The following KCNJ4 variants were observed in gnomAD, a reference collection of about 807,000 sequenced individuals.
The protein encoded by KCNJ4 is inward rectifier potassium channel 4.
A neutral mutation model predicts 25.6 loss-of-function variants in KCNJ4; 3 were observed. The observed-to-expected ratio is 0.12, with a 90% CI of 0.05 to 0.30. The LOEUF (loss-of-function observed/expected upper bound fraction) is 0.30, where lower values mean the gene tolerates loss of function less well. Among genes scored for constraint, KCNJ4 ranks in the 10% least tolerant of loss-of-function variants. KCNJ4 has a pLI of 1.00. For synonymous variants in KCNJ4, 257 were observed against 283.9 expected (o/e 0.91, Z 0.95); for missense variants, 286 against 666.8 (o/e 0.43, Z 6.29).
At chr22:38,453,772 A>T (rs1293043729) in intron 1 of KCNJ4, among the ~76,000 whole-genome samples, 1 of 152,008 alleles carries the variant, frequency 6.6e-6, no homozygotes, top group Non-Finnish European at 1.5e-5. Context: ...GACATATGAG[A>T]CCCACTGCCC....
chr22:38,439,875 G>C (rs1337695049), intron 1 of KCNJ4, among the ~76,000 whole-genome samples: 1 of 150,180 alleles, frequency 6.7e-6, no homozygotes, highest in Non-Finnish European at 1.5e-5. Flanking sequence ...CAGATCACGA[G>C]GTCAGGAGAT....
chr22:38,444,739 C>T lies in KCNJ4; in HGVS notation c.-40+10241G>A, dbSNP rs75456621. 5.1e-3 allele frequency among the ~76,000 whole-genome samples: 772 copies of T among 152,342 alleles called. 4 individuals carry two copies. The highest frequency in any genetic ancestry group is 7.4e-3 in the Non-Finnish European group (504 of 68,032). On this transcript the variant is annotated intron_variant, in intron 1 of 1. Coordinates refer to ENST00000303592, the MANE Select transcript of KCNJ4 (RefSeq NM_152868.3). Reference sequence around the variant, plus strand: ...GGGACTGTCACTGACAGAACGCCTGCCATGGGGGGGGCCACGGGCTGCATG... The same window carrying T: ...GGGACTGTCACTGACAGAACGCCTGTCATGGGGGGGGCCACGGGCTGCATG...
intron 1 of KCNJ4, among the ~76,000 whole-genome samples, chr22:38,433,805 G>A (rs2093057492): frequency 6.6e-6 from 1 of 152,174 alleles, no homozygotes; most frequent in Non-Finnish European, 1.5e-5. Flanking sequence ...GCCCCATCCT[G>A]AGGAATTAGG....
At chr22:38,453,576 A>G (rs1242253139) in intron 1 of KCNJ4, among the ~76,000 whole-genome samples, 1 of 152,018 alleles carries the variant, frequency 6.6e-6, no homozygotes, top group African/African-American at 2.4e-5. Context: ...CCATCTCCCC[A>G]GTGCTTTCCC....
intron 1 of KCNJ4, 131 bp downstream of exon 1, chr22:38,454,849 G>T (rs1000271425): frequency 1.3e-5 from 2 of 151,962 alleles, no homozygotes; most frequent in Admixed American, 6.5e-5. Flanking sequence ...GCGCGGCGCC[G>T]GGCAGCCGGG....
At chr22:38,450,852 C>T (rs749326440) in intron 1 of KCNJ4, among the ~76,000 whole-genome samples, 4 of 152,148 alleles carry the variant, frequency 2.6e-5, no homozygotes, top group Admixed American at 6.5e-5. Flanking sequence ...GCTGTGGGGG[C>T]GTCTAGACCA....
chr22:38,440,854 T>G (rs975846597), intron 1 of KCNJ4, among the ~76,000 whole-genome samples: 1 of 152,184 alleles, frequency 6.6e-6, no homozygotes, highest in East Asian at 1.9e-4. Context: ...GGGGCCAGGT[T>G]TCGGGAGCGA....
intron 1 of KCNJ4, among the ~76,000 whole-genome samples, chr22:38,445,041 G>A (rs760875634): frequency 1.3e-5 from 2 of 152,040 alleles, no homozygotes; most frequent in Non-Finnish European, 2.9e-5. Flanking sequence ...GCTGAGCTCC[G>A]TGCACGCATG....
At position 38,426,411 on chromosome 22, in the gene KCNJ4, A is replaced by T. The variant is rs2093032201; in HGVS notation, c.*384T>A. On this transcript the variant is annotated 3_prime_UTR_variant, in exon 2 of 2. Coordinates refer to ENST00000303592, the MANE Select transcript of KCNJ4 (RefSeq NM_152868.3). ...GGCCACAGTCATGCAAAAGAAACGCACCCCCCCCTCCCCAAACTAACCCCC... is the reference window on the plus strand; with the variant it reads ...GGCCACAGTCATGCAAAAGAAACGCTCCCCCCCCTCCCCAAACTAACCCCC... 2 of 141,356 alleles carry T rather than the reference A, an allele frequency of 1.4e-5. No individual in the cohort carries two copies. The highest frequency in any genetic ancestry group is 7.1e-5 in the Admixed American group (1 of 14,094). The allele number at this position is 141,356 out of a possible 1,614,324, so 8.8% of individuals were successfully genotyped here.
At chr22:38,429,727 T>C (rs961102530) in intron 1 of KCNJ4, among the ~76,000 whole-genome samples, 1 of 152,206 alleles carries the variant, frequency 6.6e-6, no homozygotes, top group Admixed American at 6.5e-5. Flanking sequence ...CACCCCTCTC[T>C]GCCATTGCGT....
chr22:38,439,522 A>G lies in KCNJ4; in HGVS notation c.-39-11351T>C, dbSNP rs573528935. Among the ~76,000 whole-genome samples, 39 of 152,202 alleles carry G rather than the reference A, an allele frequency of 2.6e-4. 1 individual carries two copies. The East Asian group carries it at 6.4e-3, about 25-fold the overall frequency. ...CCGGGCATGGTGGTTCACGCCTGTA[A>G]TCCCGGCACTTTGGGAGGCCAAGGC... On this transcript the variant is annotated intron_variant, in intron 1 of 1. Transcript: ENST00000303592.
chr22:38,431,410 A>G (rs769321340), intron 1 of KCNJ4, among the ~76,000 whole-genome samples: 1 of 151,868 alleles, frequency 6.6e-6, no homozygotes, highest in Non-Finnish European at 1.5e-5. Context: ...CAGCGGCAAC[A>G]CTCACTCCCC....
At chr22:38,432,763 G>A (rs2093054116) in intron 1 of KCNJ4, among the ~76,000 whole-genome samples, 2 of 152,070 alleles carry the variant, frequency 1.3e-5, no homozygotes, top group South Asian at 4.1e-4. Context: ...GAGGCCAGGA[G>A]TTCAAGACCA....
At chr22:38,438,513 C>A (rs2089308765) in intron 1 of KCNJ4, among the ~76,000 whole-genome samples, 1 of 151,058 alleles carries the variant, frequency 6.6e-6, no homozygotes. Context: ...CACGGTGAAA[C>A]CCTGTCTCTA....
In KCNJ4 at chr22:38,433,240, G is replaced by C. The variant is rs531868793; in HGVS notation, c.-39-5069C>G. 8.7e-4 allele frequency among the ~76,000 whole-genome samples: 132 copies of C among 152,298 alleles called. 3 individuals are homozygous for C. The South Asian group carries it at 0.027, about 31-fold the overall frequency. ...AGGCGGGCGGATGACCTGAGGTCAG[G>C]AGTTTGAGACCAGCCTGACCAACAT... On this transcript the variant is annotated intron_variant, in intron 1 of 1. Transcript: ENST00000303592.
At chr22:38,438,533 CAA>C (rs2089308848) in intron 1 of KCNJ4, among the ~76,000 whole-genome samples, 1 of 149,298 alleles carries the variant, frequency 6.7e-6, no homozygotes, top group Non-Finnish European at 1.5e-5. Context: ...ACTAAAAATA[CAA>C]AAAGTTAGCC....
At position 38,443,375 on chromosome 22, in the gene KCNJ4, C is replaced by A. The variant is rs1232131989; in HGVS notation, c.-40+11605G>T. On this transcript the variant is annotated intron_variant, in intron 1 of 1. Coordinates refer to ENST00000303592, the MANE Select transcript of KCNJ4 (RefSeq NM_152868.3). This position sits in a 1 kb window ranked among gnomAD's most constrained non-coding sequence, Gnocchi z 4.1. ...GCCTCCCTCCCAGGCAGCTACAAGC[C>A]CACTTGGCTCCTGCTCCCTGTGTCT... 6.6e-6 allele frequency among the ~76,000 whole-genome samples: 1 copy of A among 152,090 alleles called. No homozygotes were observed. Among genetic ancestry groups the A allele is most frequent in the Non-Finnish European group, 1.5e-5 (1 of 68,006 alleles).
chr22:38,453,035 G>A (rs866797398), intron 1 of KCNJ4, among the ~76,000 whole-genome samples: 2 of 30,698 alleles, frequency 6.5e-5, no homozygotes, highest in Non-Finnish European at 1.3e-4. Context: ...ACTCGCCCCC[G>A]CCTCCCCCAG....
intron 1 of KCNJ4, among the ~76,000 whole-genome samples, chr22:38,431,328 C>T (rs1029572441): frequency 3.3e-5 from 5 of 152,172 alleles, no homozygotes; most frequent in East Asian, 1.9e-4. Context: ...GGCATCCCCT[C>T]GCCAGCAGTG....
Sources: allele counts gnomAD v4.1 joint callset (sites outside exome capture counted in the v4.1 genomes callset), GRCh38; gene constraint gnomAD v4.1.1; non-coding constraint Gnocchi (gnomAD v3.1); transcripts MANE v1.5; gene names NCBI Gene and HGNC (gene_info 2026-07-23, HGNC 2026-07-21).